CSMD1: variants seen among roughly 807,000 people sequenced by gnomAD.
The protein encoded by CSMD1 is CUB and sushi domain-containing protein 1.
A neutral mutation model predicts 417.5 loss-of-function variants in CSMD1; 213 were observed. The ratio of observed to expected loss-of-function variants is 0.51; its 90% CI spans 0.46 to 0.57. The LOEUF (loss-of-function observed/expected upper bound fraction) is 0.57, where lower values mean the gene tolerates loss of function less well. Ranked by LOEUF, CSMD1 falls within the 20% of genes least tolerant of loss-of-function variation. The pLI is 0.00. For synonymous variants in CSMD1, 2,862 were observed against 1,736.8 expected (o/e 1.65, Z -16.11); for missense variants, 6,923 against 4,529.7 (o/e 1.53, Z -15.17).
At chr8:3,257,800 G>A (rs368675953) in intron 26 of CSMD1, among the ~76,000 whole-genome samples, 5 of 152,168 alleles carry the variant, frequency 3.3e-5, no homozygotes, top group Admixed American at 2.0e-4. Context: ...GTGTGAGGGC[G>A]ATCGGTGGGT....
chr8:3,927,475 G>A (rs1275440660), intron 5 of CSMD1, among the ~76,000 whole-genome samples: 1 of 151,782 alleles, frequency 6.6e-6, no homozygotes, highest in East Asian at 1.9e-4. Flanking sequence ...GACCACCCTG[G>A]CCAACATGGT....
intron 5 of CSMD1, among the ~76,000 whole-genome samples, chr8:3,990,164 G>A (rs1228285826): frequency 2.6e-5 from 4 of 152,080 alleles, no homozygotes; most frequent in African/African-American, 9.7e-5. Flanking sequence ...TTGTTTCCAG[G>A]ATTAAGGGCC....
chr8:4,771,690 G>T (rs1025543778), intron 1 of CSMD1, among the ~76,000 whole-genome samples: 1 of 152,108 alleles, frequency 6.6e-6, no homozygotes, highest in Non-Finnish European at 1.5e-5. Context: ...AACTTCACCC[G>T]TGTCCCCTGT....
intron 2 of CSMD1, among the ~76,000 whole-genome samples, chr8:4,455,776 C>A (rs150678351): frequency 8.0e-5 from 12 of 150,828 alleles, no homozygotes; most frequent in African/African-American, 2.7e-4. Flanking sequence ...ACTAAAAATA[C>A]AAAAATTCGC....
At chr8:3,004,013 T>C (rs762650208) in intron 52 of CSMD1, among the ~76,000 whole-genome samples, 14 of 152,308 alleles carry the variant, frequency 9.2e-5, no homozygotes, top group South Asian at 2.1e-4. Context: ...TCTGCCACTA[T>C]TTGAAGATAG....
rs1554526448 is a variant in CSMD1 at position 4,312,450 on chromosome 8, C to CGTATATATATAT, written c.415+107502_415+107503insATATATATATAC. 1.9e-3 allele frequency among the ~76,000 whole-genome samples: 237 copies of CGTATATATATAT among 123,618 alleles called. 17 individuals are homozygous for CGTATATATATAT. Among genetic ancestry groups the CGTATATATATAT allele is most frequent in the Non-Finnish European group, 3.2e-3 (207 of 63,740 alleles). 81.1% of individuals were successfully genotyped at this position (123,618 alleles called of 152,430 possible). A position where few individuals can be genotyped will look rare whatever the true frequency, so the allele number is the denominator to read the frequency against. ...GTATATATATATGCGTATATATATA[C>CGTATATATATAT]GTATATATATGCGCGTATATATATA... On this transcript the variant is annotated intron_variant, in intron 3 of 69. Transcript: ENST00000635120.
chr8:4,942,042 T>G (rs5004553), intron 1 of CSMD1, among the ~76,000 whole-genome samples: 4 of 152,034 alleles, frequency 2.6e-5, no homozygotes, highest in African/African-American at 9.7e-5. Context: ...GTAAATGGGA[T>G]TGTCTGGCTC....
In CSMD1 at chr8:4,903,995, TC is replaced by T. The variant is rs140924387; in HGVS notation, c.85+90336del. Among the ~76,000 whole-genome samples, 319 of 152,322 alleles carry T rather than the reference TC, an allele frequency of 2.1e-3. 5 individuals carry two copies. In the East Asian group the frequency reaches 0.044, roughly 21 times the overall value. ...TCATAAAGTGTAAAATCATATGGCT[TC>T]ATTTTGTATTTATTTCTTTTATTTT... is the stretch of plus-strand genomic sequence containing the variant. On this transcript the variant is annotated intron_variant, in intron 1 of 69. Transcript: ENST00000635120.
chr8:4,302,096 C>G (rs1445732709), intron 3 of CSMD1, among the ~76,000 whole-genome samples: 2 of 152,068 alleles, frequency 1.3e-5, no homozygotes, highest in Non-Finnish European at 2.9e-5. Flanking sequence ...TTGTATAGTT[C>G]ATCATGTTCA....
In CSMD1 at chr8:3,652,147, G is replaced by A. The variant is rs140865033; in HGVS notation, c.1010-35350C>T. ...TCAGAGCGCTTACCACCATCAGAGCGCTTACCACCATCAGAGCGCTTACCA... is the reference window on the plus strand; with the variant it reads ...TCAGAGCGCTTACCACCATCAGAGCACTTACCACCATCAGAGCGCTTACCA... On this transcript the variant is annotated intron_variant, in intron 7 of 69. Coordinates refer to ENST00000635120, the MANE Select transcript of CSMD1 (RefSeq NM_033225.6). Among the ~76,000 whole-genome samples, 1,378 of 143,222 alleles carry A rather than the reference G, an allele frequency of 9.6e-3. 24 individuals carry two copies. The highest frequency in any genetic ancestry group is 0.034 in the African/African-American group (1,310 of 37,972). The allele number at this position is 143,222 out of a possible 152,430, so 94.0% of individuals were successfully genotyped here.
intron 12 of CSMD1, 39 bp downstream of exon 12, chr8:3,468,673 T>G: frequency 1.5e-6 from 2 of 1,326,216 alleles, no homozygotes; most frequent in Non-Finnish European, 2.1e-6. Flanking sequence ...TCTCTTGGAA[T>G]GCTAACTTCC....
intron 3 of CSMD1, among the ~76,000 whole-genome samples, chr8:4,053,921 T>C (rs1367551260): frequency 6.6e-6 from 1 of 152,186 alleles, no homozygotes; most frequent in Non-Finnish European, 1.5e-5. Flanking sequence ...AAAATAAAAA[T>C]GTATTTACTT....
At chr8:3,527,857 AT>A (rs1252006296) in intron 10 of CSMD1, among the ~76,000 whole-genome samples, 1 of 152,208 alleles carries the variant, frequency 6.6e-6, no homozygotes, top group Non-Finnish European at 1.5e-5. Flanking sequence ...AGAGAGATAC[AT>A]TTAGAAACAG....
At chr8:4,230,319 T>G (rs1404859867) in intron 3 of CSMD1, among the ~76,000 whole-genome samples, 1 of 152,198 alleles carries the variant, frequency 6.6e-6, no homozygotes, top group Non-Finnish European at 1.5e-5. Context: ...TCTATCCAAT[T>G]AATCCATCCA....
chr8:3,549,363 G>T (rs1798812780), intron 10 of CSMD1, among the ~76,000 whole-genome samples: 1 of 152,188 alleles, frequency 6.6e-6, no homozygotes, highest in Admixed American at 6.5e-5. Flanking sequence ...AGTGGTCTCA[G>T]ATAGACAGAT....
At chr8:3,263,027 T>A (rs971947933) in intron 26 of CSMD1, among the ~76,000 whole-genome samples, 1 of 152,206 alleles carries the variant, frequency 6.6e-6, no homozygotes, top group East Asian at 1.9e-4. Flanking sequence ...CCTTGACCCA[T>A]AAATTCTCAT....
chr8:3,364,183 T>C (rs1391294492), intron 20 of CSMD1, among the ~76,000 whole-genome samples: 1 of 152,130 alleles, frequency 6.6e-6, no homozygotes, highest in Non-Finnish European at 1.5e-5. Context: ...ATGGTATCAG[T>C]GTCACTGGCA....
intron 26 of CSMD1, among the ~76,000 whole-genome samples, chr8:3,254,941 G>C (rs866242627): frequency 1.3e-5 from 2 of 152,094 alleles, no homozygotes; most frequent in South Asian, 4.1e-4. Context: ...GAGGAGGAGA[G>C]GTGCTCTGAT....
At chr8:3,291,104 T>G (rs1179783470) in intron 25 of CSMD1, among the ~76,000 whole-genome samples, 2 of 152,210 alleles carry the variant, frequency 1.3e-5, no homozygotes, top group Non-Finnish European at 2.9e-5. Context: ...TGTCGTTGGT[T>G]CTGTTTATAT....
Sources: gnomAD v4.1 joint callset for allele counts (sites outside exome capture counted in the v4.1 genomes callset) on GRCh38, gnomAD v4.1.1 for gene constraint, MANE v1.5 for transcripts, NCBI Gene and HGNC (gene_info 2026-07-23, HGNC 2026-07-21) for gene names.